AFF3: variants seen among roughly 807,000 people sequenced by gnomAD.
AFF3 encodes the protein ALF transcription elongation factor 3.
AFF3 carries 32 observed loss-of-function variants against 129.7 expected under a neutral mutation model. The ratio of observed to expected loss-of-function variants is 0.25; its 90% confidence interval spans 0.19 to 0.33. The LOEUF is 0.33. Among genes scored for constraint, AFF3 ranks in the 10% least tolerant of loss-of-function variants. AFF3 has a pLI of 1.00. For synonymous variants in AFF3, 644 were observed against 635.4 expected, an observed-to-expected ratio of 1.01 and a Z score of -0.20; for missense variants, 1,373 against 1,592.0, an observed-to-expected ratio of 0.86 and a Z score of 2.34.
chr2:100,099,507 C>T (rs1000671841), intron 4 of AFF3, among the ~76,000 whole-genome samples: 1 of 151,966 alleles, frequency 6.6e-6, no homozygotes, highest in African/African-American at 2.4e-5. Flanking sequence ...ACTTTATTCC[C>T]TCCATGTTTC....
intron 4 of AFF3, among the ~76,000 whole-genome samples, chr2:100,066,916 C>T (rs946882066): frequency 2.0e-5 from 3 of 152,208 alleles, no homozygotes; most frequent in African/African-American, 7.2e-5. Context: ...CTGCGCAATA[C>T]TGTACTAACA....
At chr2:99,989,811 G>A (rs1680176418) in intron 7 of AFF3, among the ~76,000 whole-genome samples, 1 of 152,054 alleles carries the variant, frequency 6.6e-6, no homozygotes, top group South Asian at 2.1e-4. Flanking sequence ...TTGTTTCTAA[G>A]GCATTTGAGG....
chr2:99,613,982 A>C (rs147570097), intron 13 of AFF3, among the ~76,000 whole-genome samples: 139 of 152,316 alleles, frequency 9.1e-4, no homozygotes, highest in South Asian at 7.9e-3. Context: ...ACAGGATGGG[A>C]ATGTATAATA....
chr2:99,929,153 C>A (rs1000218856), intron 7 of AFF3, among the ~76,000 whole-genome samples: 6 of 152,058 alleles, frequency 3.9e-5, no homozygotes, highest in African/African-American at 1.4e-4. Flanking sequence ...CATGGAGAAA[C>A]CCCGTCTCTA....
chr2:99,770,449 C>T (rs2105322002), intron 8 of AFF3, among the ~76,000 whole-genome samples: 1 of 152,276 alleles, frequency 6.6e-6, no homozygotes, highest in South Asian at 2.1e-4. Flanking sequence ...GAATCAGGGA[C>T]ACCAAGAGCC....
chr2:99,729,249 T>C (rs1006748047), intron 10 of AFF3, among the ~76,000 whole-genome samples: 1 of 152,180 alleles, frequency 6.6e-6, no homozygotes, highest in African/African-American at 2.4e-5. Flanking sequence ...AACGAAGGCA[T>C]TGTTTGGATG....
chr2:99,747,965 G>A (rs1273248155), intron 9 of AFF3, among the ~76,000 whole-genome samples: 1 of 152,000 alleles, frequency 6.6e-6, no homozygotes, highest in African/African-American at 2.4e-5. Flanking sequence ...GCTTGTGGAG[G>A]GGTCAGCTAC....
intron 13 of AFF3, among the ~76,000 whole-genome samples, chr2:99,616,704 C>T (rs1166116120): frequency 3.3e-5 from 5 of 151,938 alleles, no homozygotes; most frequent in African/African-American, 9.7e-5. Context: ...TGCAGTGAGC[C>T]GAGATCGCGC....
intron 4 of AFF3, among the ~76,000 whole-genome samples, chr2:100,059,875 T>G (rs1687113934): frequency 1.3e-5 from 2 of 152,170 alleles, no homozygotes; most frequent in Admixed American, 1.3e-4. Context: ...TGAAAATGTA[T>G]CTGGCATGAA....
intron 24 of AFF3, among the ~76,000 whole-genome samples, chr2:99,552,557 A>C (rs1420818494): frequency 1.3e-5 from 2 of 152,222 alleles, no homozygotes; most frequent in Non-Finnish European, 2.9e-5. Context: ...ATGGCTGGTC[A>C]CTGCATACAT....
chr2:99,972,355 C>G (rs1678471069), intron 7 of AFF3, among the ~76,000 whole-genome samples: 1 of 152,244 alleles, frequency 6.6e-6, no homozygotes, highest in Non-Finnish European at 1.5e-5. Context: ...ACAGCTGCTA[C>G]AGTTGGTCAA....
intron 7 of AFF3, among the ~76,000 whole-genome samples, chr2:99,871,875 A>G (rs1691889316): frequency 6.6e-6 from 1 of 152,134 alleles, no homozygotes; most frequent in Middle Eastern, 3.2e-3. Context: ...ACAAATTTGT[A>G]CATGCATCCT....
At chr2:100,016,138 A>G (rs1350544827) in intron 4 of AFF3, among the ~76,000 whole-genome samples, 31 of 130,288 alleles carry the variant, frequency 2.4e-4, no homozygotes, top group Non-Finnish European at 3.0e-4. Context: ...GGTGGTGGTG[A>G]TGGTGGTGGT....
intron 11 of AFF3, among the ~76,000 whole-genome samples, chr2:99,689,278 C>T (rs1675367362): frequency 6.6e-6 from 1 of 152,150 alleles, no homozygotes; most frequent in Admixed American, 6.5e-5. Context: ...CATGGTTGGC[C>T]TCAGCTGACT....
chr2:99,578,035 T>C (rs1677160155), intron 18 of AFF3, among the ~76,000 whole-genome samples: 1 of 152,178 alleles, frequency 6.6e-6, no homozygotes, highest in Non-Finnish European at 1.5e-5. Flanking sequence ...TACAAGTGCT[T>C]AGAAGTGTAA....
intron 10 of AFF3, among the ~76,000 whole-genome samples, chr2:99,737,164 C>T (rs1163903669): frequency 6.6e-6 from 1 of 152,110 alleles, no homozygotes; most frequent in East Asian, 1.9e-4. Context: ...AAAATAATTA[C>T]AGGAACTTAG....
chr2:99,882,783 C>A (rs746089556), intron 7 of AFF3, among the ~76,000 whole-genome samples: 1 of 152,182 alleles, frequency 6.6e-6, no homozygotes. Flanking sequence ...CAGTTGCCCA[C>A]ATAAAGAAAC....
chr2:99,724,898 G>A (rs1460287098), intron 11 of AFF3, among the ~76,000 whole-genome samples: 1 of 152,128 alleles, frequency 6.6e-6, no homozygotes, highest in African/African-American at 2.4e-5. Flanking sequence ...AATATGGGGT[G>A]ATGCTTCAAG....
At chr2:100,013,370 C>CT (rs1324533121) in intron 4 of AFF3, among the ~76,000 whole-genome samples, 1 of 152,170 alleles carries the variant, frequency 6.6e-6, no homozygotes, top group Non-Finnish European at 1.5e-5. Flanking sequence ...CTATATGTCC[C>CT]TTAATTATCC....
Sources: gnomAD v4.1 joint callset for allele counts (sites outside exome capture counted in the v4.1 genomes callset) on GRCh38, gnomAD v4.1.1 for gene constraint, MANE v1.5 for transcripts, NCBI Gene and HGNC (gene_info 2026-07-23, HGNC 2026-07-21) for gene names.